Variants in TAF10 observed in about 807,000 individuals in gnomAD.
The protein encoded by TAF10 is TATA-box binding protein associated factor 10.
TAF10 carries 2 observed loss-of-function variants against 18.1 expected under a neutral mutation model. That is an observed-to-expected ratio of 0.11 (90% CI 0.05 to 0.35). The LOEUF is 0.35. TAF10 is among the 10% of genes least tolerant of loss of function. The pLI, the probability that TAF10 is intolerant of heterozygous loss-of-function variation, is 1.00. For synonymous variants in TAF10, 158 were observed against 134.6 expected (o/e 1.17, Z -1.20); for missense variants, 293 against 306.9 (o/e 0.95, Z 0.34).
chr11:6,611,110 A>T (rs1161111607), intron 4 of TAF10, 79 bp downstream of exon 4: 3 of 1,589,008 alleles, frequency 1.9e-6, no homozygotes, highest in Admixed American at 3.3e-5. Context: ...CCTACGATTC[A>T]GTTTCCCCAA....
At position 6,610,441 on chromosome 11, in the gene TAF10, CT is replaced by C. The variant is rs1230479094; in HGVS notation, c.*480del. ...ATGACAGACTCAAATTGTGAGGCTG[CT>C]TTTTTTCTTGTATTCGCAGGTGGCA... On this transcript the variant is annotated 3_prime_UTR_variant, in exon 5 of 5. Coordinates refer to ENST00000299424, the MANE Select transcript of TAF10 (RefSeq NM_006284.4). 2 of 1,614,132 alleles carry C rather than the reference CT, an allele frequency of 1.2e-6. No homozygotes were observed. The highest frequency in any genetic ancestry group is 1.7e-6 in the Non-Finnish European group (2 of 1,180,006).
chr11:6,611,712 G>A lies in TAF10; in HGVS notation c.339C>T (p.Ser113=), dbSNP rs1388539997. 2 of 1,610,968 alleles carry A rather than the reference G, an allele frequency of 1.2e-6. No homozygotes were observed. The highest frequency in any genetic ancestry group is 1.7e-6 in the Non-Finnish European group (2 of 1,178,152). Residue 113 remains serine, a synonymous_variant, in exon 2 of 5, where the codon AGC becomes AGT. Coordinates refer to ENST00000299424, the MANE Select transcript of TAF10 (RefSeq NM_006284.4). ...GCATCAAGAAGTCCACCAAAGGCGT[G>A]CTGGACACCACGGGCTTCACGTCTC... The part of the protein sequence containing the change: ...ANGDVKPVVS[S]TPLVDFLMQL...
Position 6,608,987 on chromosome 11 carries a change from A to C in TAF10, c.*1935T>G. The C allele has an allele frequency of 6.2e-7, 1 of 1,613,950 alleles. No homozygotes were observed. Among genetic ancestry groups the C allele is most frequent in the Non-Finnish European group, 8.5e-7 (1 of 1,179,790 alleles). On this transcript the variant is annotated 3_prime_UTR_variant, in exon 5 of 5. Coordinates refer to ENST00000299424, the MANE Select transcript of TAF10 (RefSeq NM_006284.4). The surrounding 1 kb of genome is among the most constrained non-coding windows in gnomAD (Gnocchi z 4.9). ...GGCCCCGTGAGTCACCACTGTGGGA[A>C]GAAGGGTTGTAAAAGGAAATAATCC...
rs1434226723 is a variant in TAF10, at chr11:6,606,306, ATTCT to A, written c.*4612_*4615del. On this transcript the variant is annotated 3_prime_UTR_variant, in exon 5 of 5. Transcript: ENST00000299424. ...TGGTGACTCAGAGTGGCAAAATCAA[ATTCT>A]TTATTTTTTAAAATTGGTGGAGTTT... The A allele has an allele frequency of 4.6e-5, 7 of 152,252 alleles. No individual in the cohort carries two copies. Among genetic ancestry groups the A allele is most frequent in the Admixed American group, 1.3e-4 (2 of 15,284 alleles). The allele number at this position is 152,252 out of a possible 1,614,324, so 9.4% of individuals were successfully genotyped here. A position where few individuals can be genotyped will look rare whatever the true frequency, so the allele number is the denominator to read the frequency against.
rs1309029657 is a variant in TAF10 at position 6,609,176 on chromosome 11, CCCTT to C, written c.*1742_*1745del. ...GGAGAGGTGACCCCTGCCCTTCTTGCCCTTCCCTCACTAAACCCCCATAAATTAC... is the reference window on the plus strand; with the variant it reads ...GGAGAGGTGACCCCTGCCCTTCTTGCCCCTCACTAAACCCCCATAAATTAC... On this transcript the variant is annotated 3_prime_UTR_variant, in exon 5 of 5. Coordinates refer to ENST00000299424, the MANE Select transcript of TAF10 (RefSeq NM_006284.4). 4.4e-6 allele frequency: 7 copies of C among 1,608,034 alleles called. No homozygotes were observed. The highest frequency in any genetic ancestry group is 6.0e-6 in the Non-Finnish European group (7 of 1,174,500).
rs899711818 is a variant in TAF10, at chr11:6,611,589, G to A, written c.387+75C>T. ...AGAGCGACTAGGGGAGCAAATGGAA[G>A]AGAACGCTGAAAAGCACGATGTGGC... On this transcript the variant is annotated intron_variant, in intron 2 of 4. Coordinates refer to ENST00000299424, the MANE Select transcript of TAF10 (RefSeq NM_006284.4). 6.4e-5 allele frequency: 102 copies of A among 1,587,046 alleles called. No individual in the cohort carries two copies. The East Asian group carries it at 1.4e-3, about 22-fold the overall frequency.
chr11:6,610,238 T>C lies in TAF10; in HGVS notation c.*684A>G, dbSNP rs989611359. 1.2e-6 allele frequency: 2 copies of C among 1,614,162 alleles called. No individual in the cohort carries two copies. The highest frequency in any genetic ancestry group is 3.3e-5 in the Admixed American group (2 of 60,022). On this transcript the variant is annotated 3_prime_UTR_variant, in exon 5 of 5. Transcript: ENST00000299424. ...CTGTGGGAACTGGTGACACGGGAGGTACCCTTTGCTGACCTCTCCAATATG... is the reference window on the plus strand; with the variant it reads ...CTGTGGGAACTGGTGACACGGGAGGCACCCTTTGCTGACCTCTCCAATATG...
In TAF10 at chr11:6,610,452, G is replaced by A; in HGVS notation, c.*470C>T. The A allele has an allele frequency of 1.2e-6, 2 of 1,614,128 alleles. No homozygotes were observed. Among genetic ancestry groups the A allele is most frequent in the African/African-American group, 1.3e-5 (1 of 75,022 alleles). On this transcript the variant is annotated 3_prime_UTR_variant, in exon 5 of 5. Transcript: ENST00000299424. ...AAATTGTGAGGCTGCTTTTTTTCTT[G>A]TATTCGCAGGTGGCATTGGAAGGCC...
rs773250678 is a variant in TAF10, at chr11:6,611,620, GTT to G, written c.387+42_387+43del. The G allele has an allele frequency of 1.6e-5, 25 of 1,579,856 alleles. No individual in the cohort carries two copies. In the African/African-American group the frequency reaches 3.0e-4, roughly 19 times the overall value. On this transcript the variant is annotated intron_variant, in intron 2 of 4. Coordinates refer to ENST00000299424, the MANE Select transcript of TAF10 (RefSeq NM_006284.4). Reference sequence around the variant, plus strand: ...GCTGAAAAGCACGATGTGGCTGAAAGTTTTGACAGCAGGCTAGGTGGCCTTGT... The same window carrying G: ...GCTGAAAAGCACGATGTGGCTGAAAGTTGACAGCAGGCTAGGTGGCCTTGT...
In TAF10 at chr11:6,606,349, G is replaced by A. The variant is rs1854907821; in HGVS notation, c.*4573C>T. ...TTGGTGGAGTTTAGTTTTTAGGTTT[G>A]ACAGGTCAGGATCACCTGTCATCTT... On this transcript the variant is annotated 3_prime_UTR_variant, in exon 5 of 5. Transcript: ENST00000299424. The A allele has an allele frequency of 6.6e-6, 1 of 152,196 alleles. No homozygotes were observed. Among genetic ancestry groups the A allele is most frequent in the South Asian group, 2.1e-4 (1 of 4,824 alleles). The allele number at this position is 152,196 out of a possible 1,614,324, so 9.4% of individuals were successfully genotyped here.
chr11:6,611,645 T>G lies in TAF10; in HGVS notation c.387+19A>C. 1.3e-6 allele frequency: 2 copies of G among 1,576,570 alleles called. No individual in the cohort carries two copies. ...GTTTTGACAGCAGGCTAGGTGGCCT[T>G]GTTCGGGCGGAAGCCCACCGTAGGC... is the stretch of plus-strand genomic sequence containing the variant. On this transcript the variant is annotated intron_variant, in intron 2 of 4. Transcript: ENST00000299424.
chr11:6,612,171 C>A lies in TAF10; in HGVS notation c.19G>T (p.Gly7Cys). 8.4e-7 allele frequency: 1 copy of A among 1,191,452 alleles called. No homozygotes were observed. The highest frequency in any genetic ancestry group is 3.3e-5 in the South Asian group (1 of 30,412). The allele number at this position is 1,191,452 out of a possible 1,614,324, so 73.8% of individuals were successfully genotyped here. A position where few individuals can be genotyped will look rare whatever the true frequency, so the allele number is the denominator to read the frequency against. MSCSGS[G>C]ADPEAAPASA... ...GCCGGCGCCGCCTCGGGGTCCGCGC[C>A]GGAGCCGCTGCAGCTCATCGGGCCG... The change falls in exon 1 of 5, where the codon GGC becomes TGC. Residue 7 changes from glycine to cysteine, a missense_variant. Physicochemically the swap from Gly to Cys is radical, Grantham distance 159 (BLOSUM62 -3). Coordinates refer to ENST00000299424, the MANE Select transcript of TAF10 (RefSeq NM_006284.4).
Position 6,610,779 on chromosome 11 carries a change from G to A in TAF10, c.*143C>T. 7.5e-7 allele frequency: 1 copy of A among 1,327,080 alleles called. No homozygotes were observed. The highest frequency in any genetic ancestry group is 1.1e-6 in the Non-Finnish European group (1 of 935,254). 82.2% of individuals were successfully genotyped at this position (1,327,080 alleles called of 1,614,324 possible). ...ATCCCTACCACTGTGGCCCCAAGAG[G>A]GGCGGGCTCAGAGCTTTGTCACTTG... is the stretch of plus-strand genomic sequence containing the variant. On this transcript the variant is annotated 3_prime_UTR_variant, in exon 5 of 5. Coordinates refer to ENST00000299424, the MANE Select transcript of TAF10 (RefSeq NM_006284.4).
rs1316191093 is a variant in TAF10 at position 6,609,305 on chromosome 11, A to G, written c.*1617T>C. 6.2e-6 allele frequency: 10 copies of G among 1,613,928 alleles called. No individual in the cohort carries two copies. In the South Asian group the frequency reaches 9.9e-5, roughly 16 times the overall value. On this transcript the variant is annotated 3_prime_UTR_variant, in exon 5 of 5. Coordinates refer to ENST00000299424, the MANE Select transcript of TAF10 (RefSeq NM_006284.4). Reference sequence around the variant, plus strand: ...ACCCCTACCTGTCCTGCAGCTATGGAAGGGCCGCTGGCAGGGCAATGACAT... The same window carrying G: ...ACCCCTACCTGTCCTGCAGCTATGGGAGGGCCGCTGGCAGGGCAATGACAT...
rs1278790344 is a variant in TAF10 at position 6,607,767 on chromosome 11, CA to C, written c.*3154del. ...GTTGCAGAAGGGGTGCAAGAGAAAC[CA>C]GGGGAAGAGCACTACCACCTAAGGA... On this transcript the variant is annotated 3_prime_UTR_variant, in exon 5 of 5. Transcript: ENST00000299424. 2.1e-6 allele frequency: 1 copy of C among 473,656 alleles called. No homozygotes were observed. Among genetic ancestry groups the C allele is most frequent in the Non-Finnish European group, 3.9e-6 (1 of 258,194 alleles). The allele number at this position is 473,656 out of a possible 1,614,324, so 29.3% of individuals were successfully genotyped here. A position where few individuals can be genotyped will look rare whatever the true frequency, so the allele number is the denominator to read the frequency against.
At chr11:6,611,872 C>T (rs1177957019) in intron 1 of TAF10, 54 bp from the exon 2 acceptor site, 3 of 1,572,012 alleles carry the variant, frequency 1.9e-6, no homozygotes, top group Non-Finnish European at 2.6e-6. Flanking sequence ...AGGGCCCCAG[C>T]TAGGTCTGTC....
In TAF10 at chr11:6,610,115, G is replaced by GGGGGCCAGAACAGACAAGCCCT; in HGVS notation, c.*785_*806dup. ...AAGGGGGCAGAGACAGGACAGGCAA[G>GGGGGCCAGAACAGACAAGCCCT]GGGGCCAGAACAGACAAGCCCTATC... On this transcript the variant is annotated 3_prime_UTR_variant, in exon 5 of 5. Coordinates refer to ENST00000299424, the MANE Select transcript of TAF10 (RefSeq NM_006284.4). 6.2e-7 allele frequency: 1 copy of GGGGGCCAGAACAGACAAGCCCT among 1,614,180 alleles called. No individual in the cohort carries two copies.
intron 2 of TAF10, 77 bp downstream of exon 2, chr11:6,611,587 A>C: frequency 1.3e-6 from 2 of 1,587,922 alleles, no homozygotes; most frequent in Middle Eastern, 1.7e-4. Context: ...GAGCAAATGG[A>C]AGAGAACGCT....
chr11:6,611,272 A>G lies in TAF10; in HGVS notation c.484T>C (p.Phe162Leu), dbSNP rs1282998689. The G allele has an allele frequency of 6.2e-7, 1 of 1,613,950 alleles. No individual in the cohort carries two copies. Among genetic ancestry groups the G allele is most frequent in the Non-Finnish European group, 8.5e-7 (1 of 1,180,044 alleles). ...IRLISLAAQK[F>L]ISDIANDALQ... Reference sequence around the variant, plus strand: ...GCATCATTGGCAATATCTGAGATGAATTTCTGGGCAGCTAAGGAGATGAGC... The same window carrying G: ...GCATCATTGGCAATATCTGAGATGAGTTTCTGGGCAGCTAAGGAGATGAGC... Residue 162 changes from phenylalanine (F) to leucine (L), a missense_variant, in exon 4 of 5, where the codon TTC becomes CTC. Transcript: ENST00000299424.
Sources: allele counts gnomAD v4.1 joint callset, GRCh38; gene constraint gnomAD v4.1.1; non-coding constraint Gnocchi (gnomAD v3.1); transcripts MANE v1.5; gene names NCBI Gene and HGNC (gene_info 2026-07-23, HGNC 2026-07-21).